The following PJA2 variants were observed in gnomAD, a reference collection of about 807,000 sequenced individuals.
The protein encoded by PJA2 is E3 ubiquitin-protein ligase Praja-2.
PJA2 carries 25 observed loss-of-function variants against 69.3 expected under a neutral mutation model. The ratio of observed to expected loss-of-function variants is 0.36; its 90% CI spans 0.26 to 0.50. The LOEUF (loss-of-function observed/expected upper bound fraction) is 0.50. Among genes scored for constraint, PJA2 ranks in the 20% least tolerant of loss-of-function variants. PJA2 has a pLI of 0.96. For missense variants in PJA2, 809 were observed against 830.2 expected, an observed-to-expected ratio of 0.97 and a Z score of 0.31; for synonymous variants, 308 against 277.8, an observed-to-expected ratio of 1.11 and a Z score of -1.08.
chr5:109,344,566 A>C, intron 8 of PJA2, 139 bp downstream of exon 8: 1 of 664,262 alleles, frequency 1.5e-6, no homozygotes, highest in Non-Finnish European at 2.5e-6. Context: ...ACTAGGTGAA[A>C]GTTTGTGAGC....
intron 7 of PJA2, among the ~76,000 whole-genome samples, chr5:109,345,180 TAAAAA>T (rs60910860): frequency 9.6e-6 from 1 of 103,972 alleles, no homozygotes; most frequent in Non-Finnish European, 1.9e-5. Flanking sequence ...CCGTCTCTAG[TAAAAA>T]AAAAAAAAAA....
Position 109,341,336 on chromosome 5 carries a change from C to T in PJA2, c.2001+2854G>A, listed in dbSNP as rs1432732095. On this transcript the variant is annotated intron_variant, in intron 9 of 9. Transcript: ENST00000361189. Reference sequence around the variant, plus strand: ...GAGCGCCTCTGCCCGGCCGAGACCCCGTCTGGGAGGTGAGGAGCATCTCTG... The same window carrying T: ...GAGCGCCTCTGCCCGGCCGAGACCCTGTCTGGGAGGTGAGGAGCATCTCTG... Among the ~76,000 whole-genome samples, 1,055 of 150,192 alleles carry T rather than the reference C, an allele frequency of 7.0e-3. 11 individuals are homozygous for T. The highest frequency in any genetic ancestry group is 0.024 in the African/African-American group (985 of 40,796).
At chr5:109,342,365 G>C (rs1415183785) in intron 9 of PJA2, among the ~76,000 whole-genome samples, 77 of 122,914 alleles carry the variant, frequency 6.3e-4, no homozygotes, top group Admixed American at 1.7e-3. Context: ...CGCCCCGTCC[G>C]GGAGGGAGGT....
intron 4 of PJA2, among the ~76,000 whole-genome samples, chr5:109,370,489 T>G (rs1176907933): frequency 6.6e-6 from 1 of 152,166 alleles, no homozygotes; most frequent in Admixed American, 6.5e-5. Context: ...CAATTTCCAG[T>G]AAGCAATGGA....
At chr5:109,352,771 CTAATATCTAT>C (rs1240851239) in intron 7 of PJA2, among the ~76,000 whole-genome samples, 1 of 151,272 alleles carries the variant, frequency 6.6e-6, no homozygotes, top group African/African-American at 2.4e-5. Flanking sequence ...GGACAGATAT[CTAATATCTAT>C]AGATATCTAT....
At chr5:109,408,599 A>G (rs1747749428) in intron 1 of PJA2, among the ~76,000 whole-genome samples, 1 of 152,230 alleles carries the variant, frequency 6.6e-6, no homozygotes, top group Non-Finnish European at 1.5e-5. Flanking sequence ...GATTTTGAAA[A>G]ATGAACACTA....
intron 7 of PJA2, among the ~76,000 whole-genome samples, chr5:109,354,649 A>C (rs1391763752): frequency 6.8e-6 from 1 of 147,022 alleles, no homozygotes; most frequent in Admixed American, 6.9e-5. Flanking sequence ...TATATGTTAT[A>C]TATCTAATAT....
intron 6 of PJA2, among the ~76,000 whole-genome samples, chr5:109,356,699 T>C (rs899961792): frequency 6.6e-5 from 10 of 152,230 alleles, no homozygotes; most frequent in African/African-American, 2.2e-4. Flanking sequence ...TTTTTTCTTT[T>C]CTCATTTTGT....
chr5:109,352,822 T>C (rs1199923558), intron 7 of PJA2, among the ~76,000 whole-genome samples: 3 of 150,892 alleles, frequency 2.0e-5, no homozygotes, highest in Non-Finnish European at 4.4e-5. Context: ...ATATCTATAA[T>C]ATCTATAGAC....
intron 7 of PJA2, among the ~76,000 whole-genome samples, chr5:109,351,433 G>T (rs1158429054): frequency 6.6e-6 from 1 of 151,806 alleles, no homozygotes; most frequent in Non-Finnish European, 1.5e-5. Context: ...TGATTATTTG[G>T]ATACTATTAA....
chr5:109,343,569 G>A (rs1394428400), intron 9 of PJA2, among the ~76,000 whole-genome samples: 3 of 152,020 alleles, frequency 2.0e-5, no homozygotes, highest in Non-Finnish European at 4.4e-5. Flanking sequence ...CCAAATTTCA[G>A]GGTTATGATT....
At chr5:109,357,981 A>G (rs941284481) in intron 6 of PJA2, among the ~76,000 whole-genome samples, 27 of 152,354 alleles carry the variant, frequency 1.8e-4, no homozygotes, top group African/African-American at 6.3e-4. Context: ...TTCTAAGATC[A>G]TGTACTTGGC....
chr5:109,379,127 A>G lies in PJA2; in HGVS notation c.360T>C (p.Val120=). The G allele has an allele frequency of 6.2e-7, 1 of 1,614,154 alleles. No homozygotes were observed. Among genetic ancestry groups the G allele is most frequent in the Non-Finnish European group, 8.5e-7 (1 of 1,180,022 alleles). The stretch of plus-strand genomic sequence containing the variant: ...TGCCTTCCTCACTGTGATGTACTGC[A>G]ACAAAGGATTGACTGCTCTCAGTGG... ...NQTTESSQSF[V]AVHHSEEGRD... The change falls in exon 4 of 10, where the codon GTT becomes GTC. Residue 120 remains valine, a synonymous_variant. Transcript: ENST00000361189.
chr5:109,353,073 CTAT>C lies in PJA2; in HGVS notation c.1764+2839_1764+2841del, dbSNP rs869210789. Among the ~76,000 whole-genome samples, 4 of 141,326 alleles carry C rather than the reference CTAT, an allele frequency of 2.8e-5. No individual in the cohort carries two copies. The East Asian group carries it at 6.2e-4, about 22-fold the overall frequency. 92.7% of individuals were successfully genotyped at this position (141,326 alleles called of 152,430 possible). A position where few individuals can be genotyped will look rare whatever the true frequency, so the allele number is the denominator to read the frequency against. ...TCATAGACATCTATATATTAGATAC[CTAT>C]TATATCTATAGACATCTATATATTA... On this transcript the variant is annotated intron_variant, in intron 7 of 9. Transcript: ENST00000361189.
intron 1 of PJA2, among the ~76,000 whole-genome samples, chr5:109,398,588 C>T (rs1747469138): frequency 7.0e-6 from 1 of 142,014 alleles, no homozygotes; most frequent in Admixed American, 7.7e-5. Flanking sequence ...ACAAGGAGAA[C>T]CCTTGGATAT....
At chr5:109,356,906 T>G (rs188314348) in intron 6 of PJA2, among the ~76,000 whole-genome samples, 1 of 152,254 alleles carries the variant, frequency 6.6e-6, no homozygotes, top group East Asian at 1.9e-4. Context: ...TTGGTCCTAC[T>G]CTCCTTCCTC....
intron 1 of PJA2, among the ~76,000 whole-genome samples, chr5:109,400,912 G>A (rs530235431): frequency 8.9e-4 from 136 of 152,290 alleles, no homozygotes; most frequent in Non-Finnish European, 1.7e-3. Context: ...GAACCTGGGA[G>A]GCAGAGCTTG....
intron 7 of PJA2, among the ~76,000 whole-genome samples, chr5:109,349,338 T>C (rs944606443): frequency 1.3e-5 from 2 of 152,186 alleles, no homozygotes; most frequent in African/African-American, 4.8e-5. Context: ...TCACAGAGGA[T>C]GTTGAAGAAC....
rs1006211374 is a variant in PJA2, at chr5:109,364,351, C to T, written c.1470-1329G>A. Reference sequence around the variant, plus strand: ...TAAAAATTTCAGTGTCGGCCGGGCGCGGTGGCTCACGCCTGTAATCCCAGC... The same window carrying T: ...TAAAAATTTCAGTGTCGGCCGGGCGTGGTGGCTCACGCCTGTAATCCCAGC... On this transcript the variant is annotated intron_variant, in intron 5 of 9. Coordinates refer to ENST00000361189, the MANE Select transcript of PJA2 (RefSeq NM_014819.5). 7.9e-5 allele frequency among the ~76,000 whole-genome samples: 12 copies of T among 152,010 alleles called. No homozygotes were observed. The South Asian group carries it at 1.5e-3, about 18-fold the overall frequency.
Sources: gnomAD v4.1 joint callset for allele counts (sites outside exome capture counted in the v4.1 genomes callset) on GRCh38, gnomAD v4.1.1 for gene constraint, MANE v1.5 for transcripts, NCBI Gene and HGNC (gene_info 2026-07-23, HGNC 2026-07-21) for gene names.